CACNA2D2: variants seen among roughly 807,000 people sequenced by gnomAD.
CACNA2D2 encodes the protein calcium voltage-gated channel auxiliary subunit alpha2delta 2.
Under a neutral mutation model 166.4 loss-of-function variants are expected in CACNA2D2, and 48 were observed. The observed-to-expected ratio is 0.29, with a 90% CI of 0.23 to 0.37. The LOEUF (loss-of-function observed/expected upper bound fraction) is 0.37. Ranked by LOEUF, CACNA2D2 falls within the 10% of genes least tolerant of loss-of-function variation. The pLI is 1.00. For missense variants in CACNA2D2, 1,122 were observed against 1,433.0 expected, an observed-to-expected ratio of 0.78 and a Z score of 3.50; for synonymous variants, 561 against 573.7, an observed-to-expected ratio of 0.98 and a Z score of 0.32.
chr3:50,495,499 T>C (rs1698689346), intron 1 of CACNA2D2, among the ~76,000 whole-genome samples: 1 of 152,242 alleles, frequency 6.6e-6, no homozygotes, highest in Non-Finnish European at 1.5e-5. Context: ...GACAGCCTTA[T>C]TTATGAAGAC....
In CACNA2D2 at chr3:50,365,388, G is replaced by A. The variant is rs1272943273; in HGVS notation, c.3066C>T (p.Tyr1022=). Residue 1022 remains tyrosine (Y), a synonymous_variant, in exon 35 of 38, where the codon TAC becomes TAT. Coordinates refer to ENST00000424201, the MANE Select transcript of CACNA2D2 (RefSeq NM_006030.4). The surrounding 1 kb of genome is among the most constrained non-coding windows in gnomAD (Gnocchi z 4.5). ...AGTTTCCGCAGTCGATGATGGCGTT[G>A]TAGGAGGCGTTTACCGAGCCGAAGT... is the stretch of plus-strand genomic sequence containing the variant. ...QYYFGSVNAS[Y]NAIIDCGNCS... The A allele has an allele frequency of 5.0e-6, 8 of 1,613,590 alleles. No individual in the cohort carries two copies. Among genetic ancestry groups the A allele is most frequent in the Non-Finnish European group, 5.9e-6 (7 of 1,179,852 alleles).
At chr3:50,466,188 G>A (rs1015551716) in intron 2 of CACNA2D2, among the ~76,000 whole-genome samples, 1 of 152,128 alleles carries the variant, frequency 6.6e-6, no homozygotes, top group Admixed American at 6.5e-5. Flanking sequence ...CTGGCAGCCT[G>A]CCCCCATGCA....
At chr3:50,391,057 G>A (rs1167619585) in intron 4 of CACNA2D2, among the ~76,000 whole-genome samples, 1 of 152,232 alleles carries the variant, frequency 6.6e-6, no homozygotes, top group African/African-American at 2.4e-5. Context: ...GAGGCAGGCA[G>A]GGGCCCTATG....
chr3:50,489,663 A>G (rs1442069579), intron 1 of CACNA2D2, among the ~76,000 whole-genome samples: 2 of 152,014 alleles, frequency 1.3e-5, no homozygotes, highest in African/African-American at 4.8e-5. Flanking sequence ...CTGGATCTAT[A>G]TGCAAGGCAA....
intron 2 of CACNA2D2, among the ~76,000 whole-genome samples, chr3:50,468,314 C>T (rs532684752): frequency 4.6e-5 from 7 of 152,040 alleles, no homozygotes; most frequent in South Asian, 4.2e-4. Flanking sequence ...ACTGATCTCC[C>T]GCTGTCCTGC....
Position 50,450,841 on chromosome 3 carries a change from A to G in CACNA2D2, c.289-16412T>C, listed in dbSNP as rs371415616. Reference sequence around the variant, plus strand: ...CGTCACACCCCACCGCACCAGCCACACTGGCCGATGTCACGGGTGTCCTTA... The same window carrying G: ...CGTCACACCCCACCGCACCAGCCACGCTGGCCGATGTCACGGGTGTCCTTA... On this transcript the variant is annotated intron_variant, in intron 2 of 37. Coordinates refer to ENST00000424201, the MANE Select transcript of CACNA2D2 (RefSeq NM_006030.4). Among the ~76,000 whole-genome samples the G allele has an allele frequency of 1.5e-3, 225 of 152,144 alleles. 2 individuals are homozygous for G. The highest frequency in any genetic ancestry group is 5.1e-3 in the African/African-American group (212 of 41,490).
intron 6 of CACNA2D2, among the ~76,000 whole-genome samples, chr3:50,381,981 T>TACACACAC (rs34662551): frequency 0.031 from 4,095 of 133,400 alleles, 195 homozygotes; most frequent in African/African-American, 0.11. Context: ...GATCTATCCC[T>TACACACAC]ACACACACAC....
chr3:50,395,379 T>A (rs1243922289), intron 3 of CACNA2D2, among the ~76,000 whole-genome samples: 1 of 152,078 alleles, frequency 6.6e-6, no homozygotes, highest in Non-Finnish European at 1.5e-5. Flanking sequence ...AATGCATTTG[T>A]CTTGCTCAGC....
chr3:50,429,124 G>T (rs1707939922), intron 3 of CACNA2D2, among the ~76,000 whole-genome samples: 4 of 152,100 alleles, frequency 2.6e-5, no homozygotes, highest in Admixed American at 2.6e-4. Context: ...CGGCTACCTG[G>T]GAGGCTGAGG....
intron 3 of CACNA2D2, among the ~76,000 whole-genome samples, chr3:50,408,352 G>A (rs1428677868): frequency 6.6e-6 from 1 of 152,244 alleles, no homozygotes; most frequent in Non-Finnish European, 1.5e-5. Flanking sequence ...TCTGCTGGAT[G>A]TGGACGCCTG....
At position 50,366,682 on chromosome 3, in the gene CACNA2D2, A is replaced by G. The variant is rs2109405319; in HGVS notation, c.2590-57T>C. Reference sequence around the variant, plus strand: ...CCCACCAGTTTTCCTCCCTCCCATCACCTTTCATACATCCGGTTCCCCAGG... The same window carrying G: ...CCCACCAGTTTTCCTCCCTCCCATCGCCTTTCATACATCCGGTTCCCCAGG... On this transcript the variant is annotated intron_variant, in intron 29 of 37. Coordinates refer to ENST00000424201, the MANE Select transcript of CACNA2D2 (RefSeq NM_006030.4). The surrounding 1 kb of genome is among the most constrained non-coding windows in gnomAD (Gnocchi z 5.9). 1 of 1,602,654 alleles carries G rather than the reference A, an allele frequency of 6.2e-7. No individual in the cohort carries two copies. The highest frequency in any genetic ancestry group is 1.7e-4 in the Middle Eastern group (1 of 6,032).
intron 2 of CACNA2D2, among the ~76,000 whole-genome samples, chr3:50,475,650 T>C (rs1710277197): frequency 6.6e-6 from 1 of 152,192 alleles, no homozygotes; most frequent in African/African-American, 2.4e-5. Context: ...TCCCACACCT[T>C]GATCCCTCAT....
intron 6 of CACNA2D2, 147 bp downstream of exon 6, chr3:50,384,049 G>GA: frequency 1.0e-6 from 1 of 978,304 alleles, no homozygotes; most frequent in Non-Finnish European, 1.5e-6. Context: ...GGGTGAATCT[G>GA]AGAGGTGCGC....
chr3:50,408,631 GACA>G (rs370089913), intron 3 of CACNA2D2, among the ~76,000 whole-genome samples: 2 of 152,216 alleles, frequency 1.3e-5, no homozygotes, highest in African/African-American at 2.4e-5. Context: ...GAGCCGTGGT[GACA>G]ACATTTAAGG....
At chr3:50,441,946 G>A (rs923262281) in intron 2 of CACNA2D2, among the ~76,000 whole-genome samples, 1 of 152,194 alleles carries the variant, frequency 6.6e-6, no homozygotes, top group African/African-American at 2.4e-5. Flanking sequence ...GATAAGTAGT[G>A]AGCCCCCCAC....
intron 2 of CACNA2D2, among the ~76,000 whole-genome samples, chr3:50,451,943 C>T (rs1466276231): frequency 2.0e-5 from 3 of 152,194 alleles, no homozygotes; most frequent in Admixed American, 2.0e-4. Flanking sequence ...AGAGGCATAA[C>T]CAGAACCTGG....
intron 3 of CACNA2D2, among the ~76,000 whole-genome samples, chr3:50,422,038 G>T (rs1371190308): frequency 6.6e-6 from 1 of 152,098 alleles, no homozygotes; most frequent in African/African-American, 2.4e-5. Context: ...TCCCGCCAGA[G>T]ATCCCCTGAC....
intron 3 of CACNA2D2, among the ~76,000 whole-genome samples, chr3:50,420,399 G>T (rs1380414872): frequency 2.0e-5 from 3 of 152,228 alleles, no homozygotes; most frequent in African/African-American, 7.2e-5. Flanking sequence ...GGGCTCAGCA[G>T]TGGTGCTGTG....
chr3:50,499,928 T>C (rs528216605), intron 1 of CACNA2D2, among the ~76,000 whole-genome samples: 3 of 152,010 alleles, frequency 2.0e-5, no homozygotes, highest in Non-Finnish European at 4.4e-5. Context: ...TGTGAGCACC[T>C]GGCAGCTCTG....
Sources: gnomAD v4.1 joint callset for allele counts (sites outside exome capture counted in the v4.1 genomes callset) on GRCh38, gnomAD v4.1.1 for gene constraint, Gnocchi (gnomAD v3.1) non-coding constraint, MANE v1.5 for transcripts, NCBI Gene and HGNC (gene_info 2026-07-23, HGNC 2026-07-21) for gene names.